The following CDH4 variants were observed in gnomAD, a reference collection of about 807,000 sequenced individuals.
CDH4 encodes cadherin 4.
A neutral mutation model predicts 86.0 loss-of-function variants in CDH4; 33 were observed. The ratio of observed to expected loss-of-function variants is 0.38; its 90% CI spans 0.29 to 0.51. CDH4 has a LOEUF of 0.51. Ranked by LOEUF, CDH4 falls within the 20% of genes least tolerant of loss-of-function variation. The pLI is 0.86. For missense variants in CDH4, 1,114 were observed against 1,307.4 expected (o/e 0.85, Z 2.28); for synonymous variants, 555 against 549.4 (o/e 1.01, Z -0.14).
chr20:61,648,702 T>C (rs2087091127), intron 2 of CDH4, among the ~76,000 whole-genome samples: 1 of 152,128 alleles, frequency 6.6e-6, no homozygotes, highest in African/African-American at 2.4e-5. Context: ...TGAGGCGCGC[T>C]CCCAGGGTTC....
chr20:61,770,977 A>T (rs1344520512), intron 3 of CDH4, among the ~76,000 whole-genome samples: 4 of 148,540 alleles, frequency 2.7e-5, no homozygotes, highest in African/African-American at 9.9e-5. Flanking sequence ...GTGCATTTTC[A>T]TGTATTTTCT....
chr20:61,707,487 G>A (rs1398274595), intron 2 of CDH4, among the ~76,000 whole-genome samples: 4 of 152,206 alleles, frequency 2.6e-5, no homozygotes, highest in African/African-American at 2.4e-5. Context: ...CGCGGGATGT[G>A]GACACGTGTG....
chr20:61,285,606 A>T (rs2084289306), intron 2 of CDH4, among the ~76,000 whole-genome samples: 1 of 152,258 alleles, frequency 6.6e-6, no homozygotes, highest in Non-Finnish European at 1.5e-5. Context: ...ATAATGAAAG[A>T]TAAAGGAAAT....
At chr20:61,376,003 T>TTGGTGGTGG (rs1568819305) in intron 2 of CDH4, among the ~76,000 whole-genome samples, 1 of 12,418 alleles carries the variant, frequency 8.1e-5, no homozygotes. Context: ...TGTGATGGTC[T>TTGGTGGTGG]TGGTGGTGGT....
Position 61,811,623 on chromosome 20 carries a change from A to ACTGCCACCCGGGGTCACGCCC in CDH4, c.577-33020_577-33000dup, listed in dbSNP as rs1185675372. On this transcript the variant is annotated intron_variant, in intron 4 of 15. Coordinates refer to ENST00000614565, the MANE Select transcript of CDH4 (RefSeq NM_001794.5). This position sits in a 1 kb window ranked among gnomAD's most constrained non-coding sequence, Gnocchi z 4.4. Reference sequence around the variant, plus strand: ...CACCAGCCCACAAATGAGCCCAGCCACTGCCACCCGGGGTCACGCCCCTGC... The same window carrying ACTGCCACCCGGGGTCACGCCC: ...CACCAGCCCACAAATGAGCCCAGCCACTGCCACCCGGGGTCACGCCCCTGCCACCCGGGGTCACGCCCCTGC... 1.9e-4 allele frequency among the ~76,000 whole-genome samples: 29 copies of ACTGCCACCCGGGGTCACGCCC among 150,124 alleles called. 1 individual carries two copies. Among genetic ancestry groups the ACTGCCACCCGGGGTCACGCCC allele is most frequent in the South Asian group, 1.9e-3 (9 of 4,704 alleles).
At chr20:61,469,290 T>C (rs1161535953) in intron 2 of CDH4, among the ~76,000 whole-genome samples, 2 of 152,224 alleles carry the variant, frequency 1.3e-5, no homozygotes, top group Non-Finnish European at 2.9e-5. Flanking sequence ...TAGTTTAGAT[T>C]TGCATTTCTG....
rs140783969 is a variant in CDH4 at position 61,482,816 on chromosome 20, C to T, written c.169+227879C>T. On this transcript the variant is annotated intron_variant, in intron 2 of 15. Coordinates refer to ENST00000614565, the MANE Select transcript of CDH4 (RefSeq NM_001794.5). Reference sequence around the variant, plus strand: ...ACAGCAGCCGCCGATGGAGCACCTGCCACATGCCAGGCCTGGTCCTCCACT... The same window carrying T: ...ACAGCAGCCGCCGATGGAGCACCTGTCACATGCCAGGCCTGGTCCTCCACT... Among the ~76,000 whole-genome samples the T allele has an allele frequency of 6.5e-3, 987 of 152,284 alleles. 2 individuals are homozygous for T. The highest frequency in any genetic ancestry group is 0.011 in the Admixed American group (170 of 15,300).
intron 2 of CDH4, among the ~76,000 whole-genome samples, chr20:61,555,045 C>T (rs1340654000): frequency 6.6e-6 from 1 of 152,178 alleles, no homozygotes; most frequent in Non-Finnish European, 1.5e-5. Context: ...CATGTATGAG[C>T]ATATGTGAGT....
intron 2 of CDH4, among the ~76,000 whole-genome samples, chr20:61,698,306 G>A (rs147642015): frequency 9.8e-5 from 15 of 152,374 alleles, no homozygotes; most frequent in East Asian, 9.6e-4. Context: ...CTGCTGGTGC[G>A]ATTGAGGGCA....
At chr20:61,756,555 C>T (rs1313848545) in intron 3 of CDH4, among the ~76,000 whole-genome samples, 1 of 151,000 alleles carries the variant, frequency 6.6e-6, no homozygotes, top group Non-Finnish European at 1.5e-5. Flanking sequence ...CTGGACCCTC[C>T]CTCATCCCCG....
In CDH4 at chr20:61,518,576, A is replaced by G. The variant is rs1159426633; in HGVS notation, c.170-224987A>G. On this transcript the variant is annotated intron_variant, in intron 2 of 15. Coordinates refer to ENST00000614565, the MANE Select transcript of CDH4 (RefSeq NM_001794.5). This position sits in a 1 kb window ranked among gnomAD's most constrained non-coding sequence, Gnocchi z 6.3. ...TCATCCTTCTATTTGTCATCTATCC[A>G]TCCATATATCATCCATCCATCATCA... 6.6e-6 allele frequency among the ~76,000 whole-genome samples: 1 copy of G among 151,320 alleles called. No homozygotes were observed. The highest frequency in any genetic ancestry group is 6.6e-5 in the Admixed American group (1 of 15,206).
chr20:61,922,487 C>T (rs2054992868), intron 9 of CDH4, among the ~76,000 whole-genome samples: 1 of 152,236 alleles, frequency 6.6e-6, no homozygotes, highest in Non-Finnish European at 1.5e-5. Flanking sequence ...GAACTGCAGA[C>T]CTGGCATGGT....
chr20:61,709,858 T>C lies in CDH4; in HGVS notation c.170-33705T>C, dbSNP rs2087871186. On this transcript the variant is annotated intron_variant, in intron 2 of 15. Transcript: ENST00000614565. This position sits in a 1 kb window ranked among gnomAD's most constrained non-coding sequence, Gnocchi z 4.8. ...TCATTTGTGTAGCACCTTACACCTC[T>C]GTAGATGTTTTTCAGAATGTTGGAA... 6.6e-6 allele frequency among the ~76,000 whole-genome samples: 1 copy of C among 152,216 alleles called. No individual in the cohort carries two copies.
At chr20:61,503,942 C>T (rs115724676) in intron 2 of CDH4, among the ~76,000 whole-genome samples, 2,841 of 152,272 alleles carry the variant, frequency 0.019, 90 homozygotes, top group African/African-American at 0.064. Flanking sequence ...GGGAGAAGAA[C>T]ATGAGCCAGG....
intron 3 of CDH4, among the ~76,000 whole-genome samples, chr20:61,769,402 C>T (rs541375455): frequency 1.3e-5 from 2 of 152,320 alleles, no homozygotes; most frequent in Admixed American, 6.5e-5. Flanking sequence ...GAACACATCC[C>T]GGGTGGGTGC....
intron 4 of CDH4, among the ~76,000 whole-genome samples, chr20:61,777,964 T>C (rs1190829303): frequency 1.3e-5 from 2 of 148,710 alleles, no homozygotes; most frequent in East Asian, 2.0e-4. Context: ...CACACGTGCA[T>C]ACTATACACA....
At chr20:61,694,014 T>G (rs1200763862) in intron 2 of CDH4, among the ~76,000 whole-genome samples, 2 of 146,028 alleles carry the variant, frequency 1.4e-5, no homozygotes, top group African/African-American at 5.0e-5. Flanking sequence ...TGCCTCAGCC[T>G]CCCGAGTAGG....
chr20:61,752,300 C>T (rs1477927069), intron 3 of CDH4, among the ~76,000 whole-genome samples: 2 of 147,198 alleles, frequency 1.4e-5, no homozygotes, highest in Non-Finnish European at 3.0e-5. Context: ...CCACTGCACT[C>T]CAGCCTGGGC....
At chr20:61,882,856 C>T (rs1231894649) in intron 7 of CDH4, among the ~76,000 whole-genome samples, 2 of 151,212 alleles carry the variant, frequency 1.3e-5, no homozygotes, top group Non-Finnish European at 3.0e-5. Context: ...GAGAAGTCAC[C>T]CGGCCGGCCC....
Sources: allele counts gnomAD v4.1 joint callset (sites outside exome capture counted in the v4.1 genomes callset), GRCh38; gene constraint gnomAD v4.1.1; non-coding constraint Gnocchi (gnomAD v3.1); transcripts MANE v1.5; gene names NCBI Gene and HGNC (gene_info 2026-07-23, HGNC 2026-07-21).